The following GRAMD1C variants were observed in gnomAD, a reference collection of about 807,000 sequenced individuals.
The protein encoded by GRAMD1C is GRAM domain containing 1C, also known as protein Aster-C.
Under a neutral mutation model 97.8 loss-of-function variants are expected in GRAMD1C, and 89 were observed. The observed-to-expected ratio is 0.91, with a 90% CI of 0.77 to 1.09. GRAMD1C has a LOEUF of 1.09. Among genes scored for constraint, GRAMD1C ranks in the 50% least tolerant of loss-of-function variants. The pLI is 0.00. For missense variants in GRAMD1C, 740 were observed against 766.4 expected, an observed-to-expected ratio of 0.97 and a Z score of 0.41; for synonymous variants, 256 against 267.0, an observed-to-expected ratio of 0.96 and a Z score of 0.40.
chr3:113,919,627 A>G, intron 10 of GRAMD1C: 1 of 635,400 alleles, frequency 1.6e-6, no homozygotes, highest in African/African-American at 1.8e-5. Flanking sequence ...AAGTGACAAT[A>G]GTGAGAAGAC....
At position 113,921,474 on chromosome 3, in the gene GRAMD1C, C is replaced by A. The variant is rs115887932; in HGVS notation, c.1090+5636C>A. Among the ~76,000 whole-genome samples, 960 of 152,268 alleles carry A rather than the reference C, an allele frequency of 6.3e-3. 15 individuals are homozygous for A. Among genetic ancestry groups the A allele is most frequent in the African/African-American group, 0.022 (910 of 41,544 alleles). ...CAATTTATATTCCTGTGAGTAGATA[C>A]CCAGTAATGGGATTCCCAGGTCAAA... On this transcript the variant is annotated intron_variant, in intron 10 of 17. Transcript: ENST00000358160.
intron 10 of GRAMD1C, 47 bp downstream of exon 10, chr3:113,915,885 T>C (rs763236944): frequency 7.1e-7 from 1 of 1,398,826 alleles, no homozygotes; most frequent in East Asian, 2.3e-5. Flanking sequence ...GAGAATGCTA[T>C]TATTCTTAGA....
At chr3:113,919,886 A>C in intron 10 of GRAMD1C, 1 of 651,918 alleles carries the variant, frequency 1.5e-6, no homozygotes, top group Admixed American at 1.9e-5. Context: ...TGGACCCAGT[A>C]CCACAGCAGA....
At chr3:113,872,391 CTTTTTTTTTT>C (rs777339692) in intron 3 of GRAMD1C, among the ~76,000 whole-genome samples, 12 of 117,464 alleles carry the variant, frequency 1.0e-4, no homozygotes, top group South Asian at 5.6e-4. Context: ...TCTTTTTTTT[CTTTTTTTTTT>C]TTTTTTTTTT....
chr3:113,941,622 T>C (rs1191668478), intron 17 of GRAMD1C, among the ~76,000 whole-genome samples: 1 of 147,346 alleles, frequency 6.8e-6, no homozygotes, highest in South Asian at 2.1e-4. Flanking sequence ...GTGTTGCAAT[T>C]TTTTTTTTTT....
At position 113,935,517 on chromosome 3, in the gene GRAMD1C, CAT is replaced by C. The variant is rs34869058; in HGVS notation, c.1457-744_1457-743del. On this transcript the variant is annotated intron_variant, in intron 13 of 17. Coordinates refer to ENST00000358160, the MANE Select transcript of GRAMD1C (RefSeq NM_017577.5). Reference sequence around the variant, plus strand: ...ATATATATATACACACACACACACACATATATGCATGTATATATACGTGTGTG... The same window carrying C: ...ATATATATATACACACACACACACACATATGCATGTATATATACGTGTGTG... 7.9e-3 allele frequency among the ~76,000 whole-genome samples: 1,198 copies of C among 150,950 alleles called. 17 individuals are homozygous for C. Among genetic ancestry groups the C allele is most frequent in the African/African-American group, 0.024 (987 of 41,084 alleles).
At chr3:113,885,421 C>A (rs1935435944) in intron 6 of GRAMD1C, 1 of 1,571,594 alleles carries the variant, frequency 6.4e-7, no homozygotes, top group Non-Finnish European at 8.8e-7. Flanking sequence ...CCAAACTGTT[C>A]GATATGATAT....
At chr3:113,919,460 G>T in intron 10 of GRAMD1C, 1 of 518,050 alleles carries the variant, frequency 1.9e-6, no homozygotes, top group South Asian at 1.5e-5. Flanking sequence ...ACTTTACAAT[G>T]ACAAGAGTAA....
intron 6 of GRAMD1C, among the ~76,000 whole-genome samples, chr3:113,899,748 C>G (rs964602103): frequency 2.2e-4 from 33 of 152,092 alleles, no homozygotes; most frequent in African/African-American, 7.0e-4. Flanking sequence ...TATCCTAAAT[C>G]ATAATAATAC....
chr3:113,883,791 C>T (rs1935350910), intron 6 of GRAMD1C, among the ~76,000 whole-genome samples: 1 of 151,984 alleles, frequency 6.6e-6, no homozygotes, highest in South Asian at 2.1e-4. Flanking sequence ...AGACCTCGTA[C>T]AGAGGCCCAA....
At chr3:113,940,790 C>G (rs761765243) in intron 17 of GRAMD1C, among the ~76,000 whole-genome samples, 1 of 152,108 alleles carries the variant, frequency 6.6e-6, no homozygotes, top group Non-Finnish European at 1.5e-5. Flanking sequence ...TAAAGCAAAC[C>G]CCCTTAACAG....
intron 2 of GRAMD1C, among the ~76,000 whole-genome samples, chr3:113,867,199 C>T (rs1227608048): frequency 6.6e-6 from 1 of 151,966 alleles, no homozygotes; most frequent in African/African-American, 2.4e-5. Context: ...TTAAAAATAC[C>T]CATGTATTTA....
chr3:113,853,114 A>G (rs749939854), intron 2 of GRAMD1C, among the ~76,000 whole-genome samples: 5 of 152,256 alleles, frequency 3.3e-5, no homozygotes, highest in African/African-American at 4.8e-5. Context: ...TAAAAGTAGT[A>G]TAAATGGATA....
chr3:113,850,324 G>A, intron 2 of GRAMD1C: 1 of 723,904 alleles, frequency 1.4e-6, no homozygotes. Flanking sequence ...CGACTTTCTT[G>A]TTGGCACCAG....
At chr3:113,896,769 C>T (rs1484043843) in intron 6 of GRAMD1C, among the ~76,000 whole-genome samples, 4 of 152,170 alleles carry the variant, frequency 2.6e-5, no homozygotes, top group East Asian at 3.9e-4. Context: ...AAGGTTGATC[C>T]GTGGAGTTCA....
At chr3:113,886,060 G>T (rs1935462824) in intron 6 of GRAMD1C, 2 of 1,463,614 alleles carry the variant, frequency 1.4e-6, no homozygotes, top group African/African-American at 1.4e-5. Context: ...TTGGGTTGGG[G>T]TGGGGGGGCG....
chr3:113,862,059 A>G (rs1320650762), intron 2 of GRAMD1C, among the ~76,000 whole-genome samples: 1 of 152,192 alleles, frequency 6.6e-6, no homozygotes, highest in Non-Finnish European at 1.5e-5. Context: ...AGGTAATAGA[A>G]TATCACAAGG....
intron 3 of GRAMD1C, among the ~76,000 whole-genome samples, chr3:113,870,733 T>G (rs561433907): frequency 1.3e-5 from 2 of 152,156 alleles, no homozygotes; most frequent in Non-Finnish European, 2.9e-5. Context: ...AATTAAAAAT[T>G]TTAAAAAAGA....
At chr3:113,905,843 C>T (rs1018285420) in intron 8 of GRAMD1C, among the ~76,000 whole-genome samples, 1 of 152,074 alleles carries the variant, frequency 6.6e-6, no homozygotes, top group Non-Finnish European at 1.5e-5. Flanking sequence ...CTACAGGCAT[C>T]CGCCACTATG....
Sources: allele counts gnomAD v4.1 joint callset (sites outside exome capture counted in the v4.1 genomes callset), GRCh38; gene constraint gnomAD v4.1.1; transcripts MANE v1.5; gene names NCBI Gene and HGNC (gene_info 2026-07-23, HGNC 2026-07-21).